The following C1QTNF3 variants were observed in gnomAD, a reference collection of about 807,000 sequenced individuals.
C1QTNF3 encodes the protein complement C1q tumor necrosis factor-related protein 3.
A neutral mutation model predicts 32.6 loss-of-function variants in C1QTNF3; 26 were observed. The observed-to-expected ratio is 0.80, with a 90% CI of 0.58 to 1.11. The LOEUF (loss-of-function observed/expected upper bound fraction) is 1.11, where lower values mean the gene tolerates loss of function less well. C1QTNF3 is among the 50% of genes least tolerant of loss of function. The probability of loss-of-function intolerance (pLI) is 0.00; values close to 1 mark genes in which losing one functional copy is unlikely to be tolerated. For missense variants in C1QTNF3, 362 were observed against 398.2 expected (o/e 0.91, Z 0.77); for synonymous variants, 155 against 146.0 (o/e 1.06, Z -0.44).
the C1QTNF3 span, among the ~76,000 whole-genome samples, chr5:34,156,934 A>G: frequency 6.6e-6 from 1 of 152,234 alleles, no homozygotes; most frequent in Non-Finnish European, 1.5e-5. Flanking sequence ...TCCTAGTCAC[A>G]ATTTCAGAAA....
the C1QTNF3 span, among the ~76,000 whole-genome samples, chr5:34,159,385 CAAAT>C: frequency 6.6e-6 from 1 of 151,872 alleles, no homozygotes; most frequent in African/African-American, 2.4e-5. Flanking sequence ...CCAAATTATA[CAAAT>C]AATATGCAAA....
At chr5:34,105,176 G>T in the C1QTNF3 span, among the ~76,000 whole-genome samples, 1 of 152,044 alleles carries the variant, frequency 6.6e-6, no homozygotes, top group Non-Finnish European at 1.5e-5. Context: ...TATTCTTAAG[G>T]TGTCATACTT....
chr5:34,026,290 G>T (rs949788116), intron 4 of C1QTNF3, among the ~76,000 whole-genome samples: 8 of 152,060 alleles, frequency 5.3e-5, no homozygotes, highest in African/African-American at 1.7e-4. Context: ...AGTGCCAGGA[G>T]AAATGCACTC....
At chr5:34,083,208 AT>A in the C1QTNF3 span, among the ~76,000 whole-genome samples, 1 of 151,464 alleles carries the variant, frequency 6.6e-6, no homozygotes, top group Non-Finnish European at 1.5e-5. Context: ...CCAATGGCTC[AT>A]TTTATAATGA....
chr5:34,047,161 G>T (rs80229971), upstream of C1QTNF3, among the ~76,000 whole-genome samples: 1,018 of 152,306 alleles, frequency 6.7e-3, 8 homozygotes, highest in African/African-American at 0.014. Context: ...GTTGTCTCTG[G>T]CTGTGAAAGT....
At chr5:34,046,775 A>C (rs779759204), upstream of C1QTNF3, among the ~76,000 whole-genome samples, 4 of 152,014 alleles carry the variant, frequency 2.6e-5, no homozygotes, top group Admixed American at 6.6e-5. Context: ...CTCCAGACCC[A>C]GTAGAGGTCT....
the C1QTNF3 span, among the ~76,000 whole-genome samples, chr5:34,071,504 C>T: frequency 6.6e-6 from 1 of 151,852 alleles, no homozygotes; most frequent in Admixed American, 6.6e-5. Flanking sequence ...AATTATTTCC[C>T]TATTATATCG....
rs184895551 is a variant in C1QTNF3, at chr5:34,018,769, C to T, written c.*1814G>A. On this transcript the variant is annotated 3_prime_UTR_variant, in exon 6 of 6. Transcript: ENST00000382065. Reference sequence around the variant, plus strand: ...CTGATCATTATGTGAAACAGTTCTACACCATATTACATCCCTGAAGCAAGC... The same window carrying T: ...CTGATCATTATGTGAAACAGTTCTATACCATATTACATCCCTGAAGCAAGC... Among the ~76,000 whole-genome samples, 5 of 152,314 alleles carry T rather than the reference C, an allele frequency of 3.3e-5. No homozygotes were observed. In the East Asian group the frequency reaches 7.7e-4, roughly 24 times the overall value.
chr5:34,023,884 A>G (rs1234939801), intron 5 of C1QTNF3, 25 bp downstream of exon 5: 11 of 1,578,946 alleles, frequency 7.0e-6, no homozygotes, highest in Non-Finnish European at 9.6e-6. Context: ...CATGGATGAG[A>G]CCCATGACAG....
the C1QTNF3 span, among the ~76,000 whole-genome samples, chr5:34,207,790 G>GT: frequency 0.034 from 4,860 of 142,160 alleles, 71 homozygotes; most frequent in Admixed American, 0.046. Flanking sequence ...GCTTGAGAAA[G>GT]TTTTTTTTTT....
At chr5:34,030,754 A>C (rs1021270749) in intron 3 of C1QTNF3, among the ~76,000 whole-genome samples, 35 of 152,232 alleles carry the variant, frequency 2.3e-4, no homozygotes, top group African/African-American at 8.4e-4. Context: ...GTGCAGCCAT[A>C]AAAAAGAATG....
At chr5:34,037,310 G>A (rs572185582) in intron 1 of C1QTNF3, among the ~76,000 whole-genome samples, 1 of 152,084 alleles carries the variant, frequency 6.6e-6, no homozygotes, top group South Asian at 2.1e-4. Context: ...GCAAAGGAGA[G>A]AAAAAGGAGG....
At chr5:34,077,102 A>G in the C1QTNF3 span, among the ~76,000 whole-genome samples, 1 of 151,768 alleles carries the variant, frequency 6.6e-6, no homozygotes, top group Non-Finnish European at 1.5e-5. Context: ...CTCAAAATGC[A>G]TGGCTCTTTG....
chr5:34,040,077 G>A (rs1443266625), intron 1 of C1QTNF3, among the ~76,000 whole-genome samples: 1 of 152,184 alleles, frequency 6.6e-6, no homozygotes, highest in East Asian at 1.9e-4. Context: ...TTGCATTGTT[G>A]AGTCTTTTGT....
intron 1 of C1QTNF3, among the ~76,000 whole-genome samples, chr5:34,042,224 G>A (rs1316892009): frequency 6.6e-6 from 1 of 151,850 alleles, no homozygotes; most frequent in Non-Finnish European, 1.5e-5. Flanking sequence ...TATAAGGTAT[G>A]CATTTCAAAC....
the C1QTNF3 span, chr5:34,164,717 A>G: frequency 6.6e-6 from 1 of 151,988 alleles, no homozygotes; most frequent in African/African-American, 2.4e-5. Flanking sequence ...AGACTTTATT[A>G]TATTTTAAAA....
chr5:34,056,884 G>GA, the C1QTNF3 span, among the ~76,000 whole-genome samples: 9 of 151,916 alleles, frequency 5.9e-5, no homozygotes, highest in South Asian at 2.1e-4. Flanking sequence ...GTGCAGACAG[G>GA]AAAAATAACA....
At chr5:34,161,679 CTT>C in the C1QTNF3 span, among the ~76,000 whole-genome samples, 6 of 152,174 alleles carry the variant, frequency 3.9e-5, no homozygotes, top group Non-Finnish European at 8.8e-5. Context: ...TTATTACACT[CTT>C]TATCTTTCAT....
Position 34,028,774 on chromosome 5 carries a change from C to A in C1QTNF3, c.680G>T (p.Arg227Ile). The A allele has an allele frequency of 6.2e-7, 1 of 1,608,940 alleles. No individual in the cohort carries two copies. Among genetic ancestry groups the A allele is most frequent in the Admixed American group, 1.7e-5 (1 of 59,400 alleles). Reference protein sequence around the residue: ...IGNFFDVMTGRFGAPVSGVYF... With the variant: ...IGNFFDVMTGIFGAPVSGVYF... Reference sequence around the variant, plus strand: ...CTCACCTGATACTGGGGCCCCAAATCTACCAGTCATGACATCAAAGAAGTT... The same window carrying A: ...CTCACCTGATACTGGGGCCCCAAATATACCAGTCATGACATCAAAGAAGTT... The change falls in exon 4 of 6, where the codon AGA (arginine) becomes ATA (isoleucine). Residue 227 changes from arginine (R) to isoleucine (I), a missense_variant. Coordinates refer to ENST00000382065, the MANE Select transcript of C1QTNF3 (RefSeq NM_181435.6).
Sources: allele counts gnomAD v4.1 joint callset (sites outside exome capture counted in the v4.1 genomes callset), GRCh38; gene constraint gnomAD v4.1.1; transcripts MANE v1.5; gene names NCBI Gene and HGNC (gene_info 2026-07-23, HGNC 2026-07-21).